The following BMP2K variants were observed in gnomAD, a reference collection of about 807,000 sequenced individuals.
BMP2K encodes the protein BMP-2-inducible protein kinase.
BMP2K carries 74 observed loss-of-function variants against 116.0 expected under a neutral mutation model. The ratio of observed to expected loss-of-function variants is 0.64; its 90% confidence interval spans 0.53 to 0.77. The LOEUF is 0.77. BMP2K is among the 30% of genes least tolerant of loss of function. The pLI is 0.00. For missense variants in BMP2K, 1,365 were observed against 1,403.6 expected, an observed-to-expected ratio of 0.97 and a Z score of 0.44; for synonymous variants, 486 against 502.5, an observed-to-expected ratio of 0.97 and a Z score of 0.44.
intron 1 of BMP2K, among the ~76,000 whole-genome samples, chr4:78,812,519 C>G (rs1029091217): frequency 2.0e-5 from 3 of 152,136 alleles, no homozygotes; most frequent in Non-Finnish European, 4.4e-5. Flanking sequence ...CTGCCTACAC[C>G]TTCTCTGTTG....
rs1457710865 is a variant in BMP2K at position 78,914,051 on chromosome 4, G to A, written c.*2018G>A. 6.6e-6 allele frequency: 1 copy of A among 151,698 alleles called. No homozygotes were observed. The highest frequency in any genetic ancestry group is 1.9e-4 in the East Asian group (1 of 5,130). The allele number at this position is 151,698 out of a possible 1,614,324, so 9.4% of individuals were successfully genotyped here. A position where few individuals can be genotyped will look rare whatever the true frequency, so the allele number is the denominator to read the frequency against. ...ACACATAGTAAATTCATGAACTACA[G>A]TAGGTTTGTATCAAACAATTTTTTT... On this transcript the variant is annotated 3_prime_UTR_variant, in exon 16 of 16. Transcript: ENST00000502613.
At chr4:78,860,879 C>T (rs778413587) in intron 8 of BMP2K, among the ~76,000 whole-genome samples, 1 of 141,898 alleles carries the variant, frequency 7.0e-6, no homozygotes, top group East Asian at 2.1e-4. Flanking sequence ...TAGACTCATT[C>T]GACATTTACT....
chr4:78,853,937 G>A (rs1474375503), intron 7 of BMP2K, among the ~76,000 whole-genome samples: 1 of 152,020 alleles, frequency 6.6e-6, no homozygotes, highest in African/African-American at 2.4e-5. Flanking sequence ...TTTCTGGATA[G>A]GGGCAGGACA....
intron 13 of BMP2K, 144 bp downstream of exon 13, chr4:78,872,942 C>T (rs1415962345): frequency 1.2e-6 from 1 of 847,380 alleles, no homozygotes; most frequent in Non-Finnish European, 1.8e-6. Context: ...GTCCTGTCTT[C>T]TGGTCCCTTG....
At chr4:78,814,133 A>G (rs1469082187) in intron 1 of BMP2K, among the ~76,000 whole-genome samples, 1 of 152,158 alleles carries the variant, frequency 6.6e-6, no homozygotes, top group East Asian at 1.9e-4. Context: ...AGGTAGGGAA[A>G]TGTTCCTTGG....
At chr4:78,793,278 C>T (rs28818508) in intron 1 of BMP2K, among the ~76,000 whole-genome samples, 2,869 of 151,308 alleles carry the variant, frequency 0.019, 83 homozygotes, top group African/African-American at 0.062. Flanking sequence ...GGCATAGTGG[C>T]GGGCGCCTGT....
chr4:78,787,009 C>G (rs1320798079), intron 1 of BMP2K, among the ~76,000 whole-genome samples: 1 of 152,134 alleles, frequency 6.6e-6, no homozygotes, highest in Non-Finnish European at 1.5e-5. Flanking sequence ...CTGCTTTGGC[C>G]TCCCAAAGTG....
intron 1 of BMP2K, among the ~76,000 whole-genome samples, chr4:78,802,818 C>T (rs752708171): frequency 9.9e-5 from 15 of 151,380 alleles, no homozygotes; most frequent in Admixed American, 2.0e-4. Context: ...ATTATATAAT[C>T]GAATCAGCAT....
chr4:78,866,427 G>A lies in BMP2K; in HGVS notation c.1231+707G>A, dbSNP rs113204083. ...GATACCCTAATGGTTAAGAGTGTAC[G>A]TTTTGAGTCTCACGAACCTGATTTG... On this transcript the variant is annotated intron_variant, in intron 10 of 15. Transcript: ENST00000502613. Among the ~76,000 whole-genome samples the A allele has an allele frequency of 3.9e-5, 6 of 152,162 alleles. 1 individual carries two copies. The highest frequency in any genetic ancestry group is 1.4e-4 in the African/African-American group (6 of 41,526).
At chr4:78,834,263 ATTT>A (rs561686382) in intron 3 of BMP2K, among the ~76,000 whole-genome samples, 1 of 141,786 alleles carries the variant, frequency 7.1e-6, no homozygotes. Flanking sequence ...TGACATTTAA[ATTT>A]TTTTTTTTTT....
intron 14 of BMP2K, among the ~76,000 whole-genome samples, chr4:78,884,378 C>T (rs180679956): frequency 6.6e-6 from 1 of 152,114 alleles, no homozygotes; most frequent in African/African-American, 2.4e-5. Context: ...ATTGCAGATT[C>T]CTAAGTTACT....
rs367725746 is a variant in BMP2K at position 78,848,140 on chromosome 4, A to T, written c.750+871A>T. Among the ~76,000 whole-genome samples, 3 of 151,648 alleles carry T rather than the reference A, an allele frequency of 2.0e-5. No individual in the cohort carries two copies. In the East Asian group the frequency reaches 5.8e-4, roughly 29 times the overall value. On this transcript the variant is annotated intron_variant, in intron 6 of 15. Transcript: ENST00000502613. ...GGGGTACCAAAGTCTTGAGAGACAG[A>T]TATTCTTTTGTAAGGTAATTAAAAA...
intron 14 of BMP2K, among the ~76,000 whole-genome samples, chr4:78,881,827 A>C (rs1027292553): frequency 3.3e-5 from 5 of 152,032 alleles, no homozygotes; most frequent in Non-Finnish European, 7.4e-5. Flanking sequence ...AATTTTGCCC[A>C]TCAGTATAAT....
intron 10 of BMP2K, 162 bp downstream of exon 10, chr4:78,865,882 A>G: frequency 1.4e-6 from 1 of 702,890 alleles, no homozygotes; most frequent in South Asian, 2.3e-5. Flanking sequence ...TGGTTTCTCA[A>G]CAATTCAATT....
At chr4:78,780,034 C>T (rs1055292532) in intron 1 of BMP2K, among the ~76,000 whole-genome samples, 1 of 152,146 alleles carries the variant, frequency 6.6e-6, no homozygotes, top group Non-Finnish European at 1.5e-5. Flanking sequence ...TTGTCAGGCT[C>T]ATATAATTAA....
At chr4:78,780,899 T>C (rs1277061663) in intron 1 of BMP2K, among the ~76,000 whole-genome samples, 1 of 152,158 alleles carries the variant, frequency 6.6e-6, no homozygotes, top group Non-Finnish European at 1.5e-5. Context: ...CAGTTTAGAC[T>C]GGGGGGTCAA....
chr4:78,807,006 C>T (rs1728854925), intron 1 of BMP2K, among the ~76,000 whole-genome samples: 2 of 151,872 alleles, frequency 1.3e-5, no homozygotes. Context: ...CCTGCTACCA[C>T]CCCCAGCTAA....
chr4:78,865,587 C>T lies in BMP2K; in HGVS notation c.1098C>T (p.Thr366=), dbSNP rs867180788. 1.2e-6 allele frequency: 2 copies of T among 1,613,992 alleles called. No homozygotes were observed. The highest frequency in any genetic ancestry group is 1.6e-4 in the Middle Eastern group (1 of 6,062). Reference sequence around the variant, plus strand: ...CAGATACCATTGGACCAACAGAAACCTCAATTGCACCAAGACAAAGACCAA... The same window carrying T: ...CAGATACCATTGGACCAACAGAAACTTCAATTGCACCAAGACAAAGACCAA... The part of the protein sequence containing the change: ...RITDTIGPTE[T]SIAPRQRPKA... Residue 366 remains threonine, a synonymous_variant, in exon 10 of 16, where the codon ACC becomes ACT. Transcript: ENST00000502613.
At chr4:78,834,953 C>G (rs1486884629) in intron 3 of BMP2K, among the ~76,000 whole-genome samples, 1 of 152,152 alleles carries the variant, frequency 6.6e-6, no homozygotes, top group Non-Finnish European at 1.5e-5. Context: ...GTACTGTGAT[C>G]TCTTTTAGGA....
Sources: allele counts gnomAD v4.1 joint callset (sites outside exome capture counted in the v4.1 genomes callset), GRCh38; gene constraint gnomAD v4.1.1; transcripts MANE v1.5; gene names NCBI Gene and HGNC (gene_info 2026-07-23, HGNC 2026-07-21).